The following IGF2BP3 variants were observed in gnomAD, a reference collection of about 807,000 sequenced individuals.
IGF2BP3 encodes the protein insulin like growth factor 2 mRNA binding protein 3, also known as insulin-like growth factor 2 mRNA-binding protein 3.
Under a neutral mutation model 73.8 loss-of-function variants are expected in IGF2BP3, and 9 were observed. The ratio of observed to expected loss-of-function variants is 0.12; its 90% CI spans 0.07 to 0.21. The LOEUF is 0.21. Among genes scored for constraint, IGF2BP3 ranks in the 10% least tolerant of loss-of-function variants. IGF2BP3 has a pLI of 1.00. For missense variants in IGF2BP3, 542 were observed against 714.0 expected, an observed-to-expected ratio of 0.76 and a Z score of 2.75; for synonymous variants, 258 against 256.7, an observed-to-expected ratio of 1.01 and a Z score of -0.05.
intron 5 of IGF2BP3, among the ~76,000 whole-genome samples, chr7:23,352,677 A>G (rs1342914159): frequency 6.6e-6 from 1 of 152,162 alleles, no homozygotes; most frequent in Non-Finnish European, 1.5e-5. Context: ...CAAGGTGAAC[A>G]CACACATCCA....
At chr7:23,434,679 AG>A (rs1324290078) in intron 2 of IGF2BP3, among the ~76,000 whole-genome samples, 2 of 152,230 alleles carry the variant, frequency 1.3e-5, no homozygotes, top group African/African-American at 4.8e-5. Flanking sequence ...TAGGCTTTGT[AG>A]ATAACCCTTC....
chr7:23,330,543 AAAT>A (rs1159651206), intron 10 of IGF2BP3, among the ~76,000 whole-genome samples: 2 of 151,948 alleles, frequency 1.3e-5, no homozygotes, highest in Non-Finnish European at 2.9e-5. Flanking sequence ...ATGATCATCA[AAAT>A]GCTAAAAAGG....
chr7:23,419,409 T>A (rs1355708599), intron 2 of IGF2BP3, among the ~76,000 whole-genome samples: 1 of 152,248 alleles, frequency 6.6e-6, no homozygotes. Flanking sequence ...GAGATCTTTA[T>A]CATCTATACT....
intron 3 of IGF2BP3, among the ~76,000 whole-genome samples, chr7:23,405,667 G>T (rs550478125): frequency 4.6e-5 from 7 of 152,180 alleles, no homozygotes; most frequent in Non-Finnish European, 8.8e-5. Flanking sequence ...CTGCGCACGC[G>T]AGGGATCTAG....
chr7:23,417,499 T>C (rs951968846), intron 3 of IGF2BP3, among the ~76,000 whole-genome samples: 1 of 152,116 alleles, frequency 6.6e-6, no homozygotes, highest in African/African-American at 2.4e-5. Flanking sequence ...TTTGAAGAGA[T>C]TATGAATGAA....
chr7:23,380,019 T>G (rs1459062606), intron 3 of IGF2BP3, among the ~76,000 whole-genome samples: 1 of 152,076 alleles, frequency 6.6e-6, no homozygotes. Context: ...CTAAGATGGG[T>G]TGGGAAAGTC....
intron 10 of IGF2BP3, among the ~76,000 whole-genome samples, chr7:23,339,251 A>T (rs1387857656): frequency 6.6e-6 from 1 of 152,240 alleles, no homozygotes; most frequent in Non-Finnish European, 1.5e-5. Context: ...TTATTTAAGT[A>T]AACATCACCG....
rs1485463349 is a variant in IGF2BP3 at position 23,336,043 on chromosome 7, G to T, written c.1203+6021C>A. On this transcript the variant is annotated intron_variant, in intron 10 of 14. Coordinates refer to ENST00000258729, the MANE Select transcript of IGF2BP3 (RefSeq NM_006547.3). ...AGAGAATATTGTGGGGGAACTAGTA[G>T]GCAAAGTTCTAGAATGGAATAGAGG... Among the ~76,000 whole-genome samples, 3 of 152,112 alleles carry T rather than the reference G, an allele frequency of 2.0e-5. No individual in the cohort carries two copies. The South Asian group carries it at 6.2e-4, about 31-fold the overall frequency.
intron 3 of IGF2BP3, among the ~76,000 whole-genome samples, chr7:23,364,167 A>G (rs974160208): frequency 2.0e-5 from 3 of 151,728 alleles, no homozygotes; most frequent in African/African-American, 7.3e-5. Flanking sequence ...CGAGGTGAGG[A>G]GATCGAGAGC....
chr7:23,393,335 C>T (rs910333970), intron 3 of IGF2BP3, among the ~76,000 whole-genome samples: 3 of 152,170 alleles, frequency 2.0e-5, no homozygotes, highest in Non-Finnish European at 4.4e-5. Flanking sequence ...TTATTAATAA[C>T]TAAAAGCTAG....
intron 2 of IGF2BP3, among the ~76,000 whole-genome samples, chr7:23,420,797 T>C (rs958435146): frequency 6.6e-6 from 1 of 152,118 alleles, no homozygotes; most frequent in African/African-American, 2.4e-5. Context: ...ATTATTTTCA[T>C]GACAAAGTAA....
intron 2 of IGF2BP3, among the ~76,000 whole-genome samples, chr7:23,462,017 C>A (rs1788460324): frequency 6.6e-6 from 1 of 152,146 alleles, no homozygotes; most frequent in African/African-American, 2.4e-5. Context: ...GAAAAAAAAA[C>A]TCCAGCTTCT....
intron 2 of IGF2BP3, among the ~76,000 whole-genome samples, chr7:23,423,300 T>C (rs144793839): frequency 6.9e-4 from 105 of 152,314 alleles, no homozygotes; most frequent in African/African-American, 2.4e-3. Flanking sequence ...GAAAAATCTA[T>C]CTCAGTCAGC....
chr7:23,462,886 G>C (rs867122046), intron 2 of IGF2BP3, among the ~76,000 whole-genome samples: 2 of 152,186 alleles, frequency 1.3e-5, no homozygotes, highest in South Asian at 2.1e-4. Flanking sequence ...AATTTTAATG[G>C]AACACTCAAA....
chr7:23,376,672 T>C (rs746236797), intron 3 of IGF2BP3, among the ~76,000 whole-genome samples: 3 of 151,796 alleles, frequency 2.0e-5, no homozygotes, highest in Non-Finnish European at 2.9e-5. Context: ...TTCAAGACCA[T>C]TTTGGGCAAC....
chr7:23,441,727 G>A (rs906737853), intron 2 of IGF2BP3, among the ~76,000 whole-genome samples: 1 of 151,400 alleles, frequency 6.6e-6, no homozygotes, highest in African/African-American at 2.4e-5. Context: ...ACTCAGTCCA[G>A]CTAAGCATTT....
intron 3 of IGF2BP3, among the ~76,000 whole-genome samples, chr7:23,403,603 T>C (rs1786736451): frequency 6.6e-6 from 1 of 152,166 alleles, no homozygotes; most frequent in South Asian, 2.1e-4. Context: ...AAGTCATCCT[T>C]ATTTCCACGT....
intron 7 of IGF2BP3, among the ~76,000 whole-genome samples, chr7:23,347,398 G>A (rs1171627504): frequency 2.6e-5 from 4 of 151,988 alleles, no homozygotes; most frequent in Non-Finnish European, 4.4e-5. Context: ...ATCACCACTC[G>A]CCTATGTTCA....
intron 2 of IGF2BP3, among the ~76,000 whole-genome samples, chr7:23,455,986 G>A (rs1320375605): frequency 6.6e-6 from 1 of 151,926 alleles, no homozygotes; most frequent in Non-Finnish European, 1.5e-5. Flanking sequence ...CGCCCGGCAG[G>A]GTCTTACTCT....
Sources: gnomAD v4.1 joint callset for allele counts (sites outside exome capture counted in the v4.1 genomes callset) on GRCh38, gnomAD v4.1.1 for gene constraint, MANE v1.5 for transcripts, NCBI Gene and HGNC (gene_info 2026-07-23, HGNC 2026-07-21) for gene names.